The following CDH13 variants were observed in gnomAD, a reference collection of about 807,000 sequenced individuals.
CDH13 encodes cadherin 13.
A neutral mutation model predicts 63.8 loss-of-function variants in CDH13; 24 were observed. That is an observed-to-expected ratio of 0.38 (90% CI 0.27 to 0.53). The LOEUF (loss-of-function observed/expected upper bound fraction) is 0.53, where lower values mean the gene tolerates loss of function less well. CDH13 is among the 20% of genes least tolerant of loss of function. CDH13 has a pLI of 0.85. For synonymous variants in CDH13, 503 were observed against 355.3 expected (o/e 1.42, Z -4.67); for missense variants, 1,049 against 903.1 (o/e 1.16, Z -2.07).
At chr16:82,704,251 G>A (rs1373549568) in intron 1 of CDH13, among the ~76,000 whole-genome samples, 3 of 152,298 alleles carry the variant, frequency 2.0e-5, no homozygotes, top group South Asian at 2.1e-4. Context: ...TTTTGAGCAC[G>A]TTGATTTGGG....
At chr16:83,370,714 C>T (rs1159776905) in intron 6 of CDH13, among the ~76,000 whole-genome samples, 1 of 152,158 alleles carries the variant, frequency 6.6e-6, no homozygotes, top group African/African-American at 2.4e-5. Flanking sequence ...TAAATGAGAA[C>T]ATGTGGCAAT....
At chr16:82,995,436 CCTT>C (rs1912097151) in intron 2 of CDH13, among the ~76,000 whole-genome samples, 1 of 152,134 alleles carries the variant, frequency 6.6e-6, no homozygotes, top group Admixed American at 6.6e-5. Context: ...CCTGTTTTTC[CCTT>C]CTTCAGCTGA....
intron 11 of CDH13, among the ~76,000 whole-genome samples, chr16:83,776,786 T>G (rs1218755085): frequency 6.6e-6 from 1 of 152,210 alleles, no homozygotes. Flanking sequence ...AATTCTCTCC[T>G]GCAAAACTAG....
intron 10 of CDH13, chr16:83,739,979 C>T (rs1911909500): frequency 6.6e-6 from 1 of 152,198 alleles, no homozygotes; most frequent in South Asian, 2.1e-4. Flanking sequence ...TCCAGAGTGG[C>T]TTCTCTAGGG....
At chr16:82,954,532 A>T (rs1905767204) in intron 2 of CDH13, 1 of 152,132 alleles carries the variant, frequency 6.6e-6, no homozygotes, top group East Asian at 1.9e-4. Context: ...CTTCCAAAGA[A>T]TTTTTTTGCT....
intron 7 of CDH13, among the ~76,000 whole-genome samples, chr16:83,537,477 A>T (rs1294366195): frequency 2.0e-5 from 3 of 152,218 alleles, no homozygotes; most frequent in Non-Finnish European, 4.4e-5. Flanking sequence ...TGGTAGTTAT[A>T]TGATTGTTTA....
At chr16:83,327,536 T>C (rs1327166387) in intron 5 of CDH13, among the ~76,000 whole-genome samples, 2 of 152,250 alleles carry the variant, frequency 1.3e-5, no homozygotes, top group Non-Finnish European at 1.5e-5. Context: ...GCACTTGTTC[T>C]ATTGTGCTAT....
intron 6 of CDH13, among the ~76,000 whole-genome samples, chr16:83,434,847 A>ATATGTGTGTG (rs1555548320): frequency 6.1e-5 from 5 of 81,494 alleles, no homozygotes; most frequent in African/African-American, 1.9e-4. Context: ...ATATATATAT[A>ATATGTGTGTG]TGTGTGTGCG....
rs139451683 is a variant in CDH13, at chr16:82,638,823, T to TGTGTGCGCGCGC, written c.45+11687_45+11688insTGTGCGCGCGCG. On this transcript the variant is annotated intron_variant, in intron 1 of 13. Coordinates refer to ENST00000567109, the MANE Select transcript of CDH13 (RefSeq NM_001257.5). ...TGGGAGGCTTTATTAGGGCAGTGTG[T>TGTGTGCGCGCGC]GCGTGTGTGCGTTTGTGTGCATGCA... 9.3e-4 allele frequency among the ~76,000 whole-genome samples: 140 copies of TGTGTGCGCGCGC among 150,904 alleles called. No homozygotes were observed. The Middle Eastern group carries it at 0.01, about 11-fold the overall frequency.
intron 4 of CDH13, among the ~76,000 whole-genome samples, chr16:83,160,730 C>T (rs771926163): frequency 2.0e-5 from 3 of 152,190 alleles, no homozygotes; most frequent in Non-Finnish European, 2.9e-5. Flanking sequence ...AATCTCTGAT[C>T]TGTTGGTATT....
chr16:83,489,894 G>C (rs948696925), intron 7 of CDH13, among the ~76,000 whole-genome samples: 1 of 152,080 alleles, frequency 6.6e-6, no homozygotes, highest in Non-Finnish European at 1.5e-5. Flanking sequence ...TGATTTTAAG[G>C]TTTGTTACCT....
At chr16:82,794,112 G>C (rs2036458406) in intron 1 of CDH13, among the ~76,000 whole-genome samples, 3 of 151,868 alleles carry the variant, frequency 2.0e-5, no homozygotes, top group Admixed American at 6.6e-5. Flanking sequence ...CTTTGAATGA[G>C]GCCCAACACA....
intron 1 of CDH13, among the ~76,000 whole-genome samples, chr16:82,710,564 T>G (rs1176657144): frequency 8.2e-6 from 1 of 121,302 alleles, no homozygotes; most frequent in Admixed American, 9.9e-5. Flanking sequence ...TATATATATA[T>G]ATATATATAT....
intron 10 of CDH13, among the ~76,000 whole-genome samples, chr16:83,691,655 G>C (rs1411377167): frequency 6.6e-6 from 1 of 151,998 alleles, no homozygotes; most frequent in Non-Finnish European, 1.5e-5. Flanking sequence ...TAACTTGGCA[G>C]CCCGACCGCA....
At chr16:82,685,578 A>G (rs534395671) in intron 1 of CDH13, among the ~76,000 whole-genome samples, 3 of 152,322 alleles carry the variant, frequency 2.0e-5, no homozygotes, top group East Asian at 1.9e-4. Flanking sequence ...CTGCTAAGAA[A>G]GATGTGTTTG....
At chr16:83,082,520 C>CTATTTG (rs1345510301) in intron 3 of CDH13, among the ~76,000 whole-genome samples, 191 of 152,036 alleles carry the variant, frequency 1.3e-3, no homozygotes, top group African/African-American at 4.5e-3. Context: ...GTAATCCAAA[C>CTATTTG]TATTTGGAAG....
At chr16:82,663,659 A>T (rs1912244954) in intron 1 of CDH13, among the ~76,000 whole-genome samples, 1 of 152,132 alleles carries the variant, frequency 6.6e-6, no homozygotes, top group Non-Finnish European at 1.5e-5. Flanking sequence ...TCTTGTGAAG[A>T]TCCCTTGTAC....
At chr16:82,747,942 C>G (rs1380277295) in intron 1 of CDH13, among the ~76,000 whole-genome samples, 1 of 152,160 alleles carries the variant, frequency 6.6e-6, no homozygotes, top group Non-Finnish European at 1.5e-5. Context: ...AACCAAGGCA[C>G]AATTTTAGAT....
chr16:83,260,468 C>T (rs145739574), intron 5 of CDH13, among the ~76,000 whole-genome samples: 68 of 152,278 alleles, frequency 4.5e-4, no homozygotes, highest in African/African-American at 1.5e-3. Flanking sequence ...AGCCATCCTA[C>T]CAAGGGGAGT....
Sources: gnomAD v4.1 joint callset for allele counts (sites outside exome capture counted in the v4.1 genomes callset) on GRCh38, gnomAD v4.1.1 for gene constraint, MANE v1.5 for transcripts, NCBI Gene and HGNC (gene_info 2026-07-23, HGNC 2026-07-21) for gene names.